The following TNRC6A variants were observed in gnomAD, a reference collection of about 807,000 sequenced individuals.
TNRC6A encodes the protein trinucleotide repeat containing adaptor 6A.
In TNRC6A, 44 loss-of-function variants were observed where a neutral mutation model predicts 221.2. That is an observed-to-expected ratio of 0.20 (90% CI 0.16 to 0.26). The LOEUF (loss-of-function observed/expected upper bound fraction) is 0.26. Ranked by LOEUF, TNRC6A falls within the 10% of genes least tolerant of loss-of-function variation. The pLI is 1.00. For missense variants in TNRC6A, 2,199 were observed against 2,404.4 expected (o/e 0.91, Z 1.79); for synonymous variants, 847 against 838.5 (o/e 1.01, Z -0.18).
chr16:24,805,054 C>T lies in TNRC6A; in HGVS notation c.4025C>T (p.Ala1342Val). ...ATGTTTGGTGTTGGAAACACAGCAG[C>T]ACAACCCCGGGGCATGCAGCAGCCT... ...PSMFGVGNTA[A>V]QPRGMQQPPA... The change falls in exon 14 of 25, where the codon GCA (alanine) becomes GTA (valine). Residue 1342 changes from alanine (A) to valine (V), a missense_variant. By Grantham distance (64) the Ala-to-Val change is moderately conservative. Around this residue, in one of 8 missense-constraint regions of TNRC6A, gnomAD observed 449 missense variants for 579.7 expected, o/e 0.77. Transcript: ENST00000395799. The T allele has an allele frequency of 6.2e-7, 1 of 1,614,186 alleles. No individual in the cohort carries two copies. The highest frequency in any genetic ancestry group is 1.3e-5 in the African/African-American group (1 of 75,044).
chr16:24,806,899 C>G (rs1485779067), intron 17 of TNRC6A, 115 bp downstream of exon 17: 1 of 999,270 alleles, frequency 1.0e-6, no homozygotes, highest in Non-Finnish European at 1.5e-6. Context: ...GATCTCTTAG[C>G]TGTTCCCTCT....
chr16:24,790,324 C>A lies in TNRC6A; in HGVS notation c.1682C>A (p.Thr561Asn). The part of the protein sequence containing the change: ...MQPGVNGPMG[T>N]NFQVNTNKGG... Reference sequence around the variant, plus strand: ...CCTGGCGTAAATGGTCCTATGGGCACTAACTTTCAAGTTAACACAAACAAA... The same window carrying A: ...CCTGGCGTAAATGGTCCTATGGGCAATAACTTTCAAGTTAACACAAACAAA... The change falls in exon 6 of 25, where the codon ACT (threonine) becomes AAT (asparagine). Residue 561 changes from threonine (T) to asparagine (N), a missense_variant. Physicochemically the swap from Thr to Asn is moderately conservative, Grantham distance 65. Coordinates refer to ENST00000395799, the MANE Select transcript of TNRC6A (RefSeq NM_014494.4). 1 of 1,614,198 alleles carries A rather than the reference C, an allele frequency of 6.2e-7. No individual in the cohort carries two copies. Among genetic ancestry groups the A allele is most frequent in the East Asian group, 2.2e-5 (1 of 44,880 alleles).
At chr16:24,818,516 T>C in intron 20 of TNRC6A, 77 bp from the exon 21 acceptor site, 1 of 1,142,848 alleles carries the variant, frequency 8.8e-7, no homozygotes, top group Admixed American at 1.9e-5. Flanking sequence ...TAGCTTTGAT[T>C]TCTCTGGAAG....
chr16:24,806,066 G>C, intron 15 of TNRC6A, 140 bp from the exon 16 acceptor site: 1 of 878,794 alleles, frequency 1.1e-6, no homozygotes, highest in South Asian at 1.8e-5. Flanking sequence ...CCAAGGAAGA[G>C]ATGGTACTAG....
chr16:24,624,533 C>A (rs563284450), intron 1 of TNRC6A, among the ~76,000 whole-genome samples: 14 of 152,254 alleles, frequency 9.2e-5, no homozygotes, highest in Non-Finnish European at 1.3e-4. Context: ...GGCTGGAATG[C>A]ACTGGTGCAA....
intron 1 of TNRC6A, among the ~76,000 whole-genome samples, chr16:24,611,434 C>T (rs1184442291): frequency 6.6e-6 from 1 of 152,140 alleles, no homozygotes; most frequent in Non-Finnish European, 1.5e-5. Context: ...CTTGGCTCCA[C>T]ACCCCAGCTC....
intron 4 of TNRC6A, among the ~76,000 whole-genome samples, chr16:24,772,061 T>C (rs905159679): frequency 3.3e-5 from 5 of 152,372 alleles, no homozygotes; most frequent in Admixed American, 6.5e-5. Context: ...TACTCTCTCA[T>C]CTTTACAGAA....
At chr16:24,676,937 C>A (rs2055431211) in intron 2 of TNRC6A, among the ~76,000 whole-genome samples, 1 of 151,942 alleles carries the variant, frequency 6.6e-6, no homozygotes, top group Non-Finnish European at 1.5e-5. Context: ...TTCAAGGTTC[C>A]TCTAGCCTTC....
At chr16:24,808,521 C>T (rs1470206533) in intron 17 of TNRC6A, among the ~76,000 whole-genome samples, 6 of 152,270 alleles carry the variant, frequency 3.9e-5, no homozygotes, top group Admixed American at 6.5e-5. Context: ...CCTGAGATAC[C>T]GGCTGAACCT....
At chr16:24,687,660 A>C (rs577962605) in intron 2 of TNRC6A, among the ~76,000 whole-genome samples, 16 of 152,058 alleles carry the variant, frequency 1.1e-4, no homozygotes, top group Middle Eastern at 3.4e-3. Flanking sequence ...TAGCTGGGTG[A>C]GGTGATGTGC....
chr16:24,646,074 A>G (rs1200024938), intron 2 of TNRC6A, among the ~76,000 whole-genome samples: 2 of 152,052 alleles, frequency 1.3e-5, no homozygotes, highest in African/African-American at 4.8e-5. Context: ...AATCATTACT[A>G]TTGATTTGTA....
chr16:24,769,182 T>G (rs2057538146), intron 4 of TNRC6A, among the ~76,000 whole-genome samples: 1 of 152,148 alleles, frequency 6.6e-6, no homozygotes, highest in South Asian at 2.1e-4. Flanking sequence ...TTAAAACAGT[T>G]TTAGACTTAC....
intron 2 of TNRC6A, among the ~76,000 whole-genome samples, chr16:24,703,138 A>G (rs1270526731): frequency 6.6e-6 from 1 of 152,182 alleles, no homozygotes; most frequent in Admixed American, 6.6e-5. Flanking sequence ...ACCACAATCA[A>G]TTTTAGAATA....
At chr16:24,786,223 T>C (rs1400794765) in intron 5 of TNRC6A, among the ~76,000 whole-genome samples, 1 of 152,186 alleles carries the variant, frequency 6.6e-6, no homozygotes, top group African/African-American at 2.4e-5. Context: ...CATGCATTTA[T>C]CAATGATAAT....
At chr16:24,782,366 G>T (rs2057869263) in intron 5 of TNRC6A, among the ~76,000 whole-genome samples, 1 of 152,186 alleles carries the variant, frequency 6.6e-6, no homozygotes, top group East Asian at 1.9e-4. Flanking sequence ...AGAGATCTGG[G>T]CCTATTTTAG....
rs751866610 is a variant in TNRC6A, at chr16:24,804,266, C to A, written c.3784C>A (p.Arg1262=). The A allele has an allele frequency of 6.2e-7, 1 of 1,613,616 alleles. No individual in the cohort carries two copies. Among genetic ancestry groups the A allele is most frequent in the Non-Finnish European group, 8.5e-7 (1 of 1,179,930 alleles). ...NRTVGKGPGS[R]PQISKESSME... is the part of the protein sequence containing the mutation. ...AACGGTCGGGAAAGGCCCTGGTTCT[C>A]GGCCTCAGATTTCCAAAGAGTCTTC... Residue 1262 remains arginine (R), a synonymous_variant, in exon 12 of 25, where the codon CGG becomes AGG. Transcript: ENST00000395799.
chr16:24,663,173 A>T (rs564904527), intron 2 of TNRC6A: 12 of 153,914 alleles, frequency 7.8e-5, no homozygotes, highest in African/African-American at 2.6e-4. Flanking sequence ...CTCAGGTATG[A>T]CGATTTGCTG....
At chr16:24,686,858 G>C (rs891582915) in intron 2 of TNRC6A, among the ~76,000 whole-genome samples, 1 of 152,140 alleles carries the variant, frequency 6.6e-6, no homozygotes, top group African/African-American at 2.4e-5. Flanking sequence ...CTCACCCTGA[G>C]CCTCAGTATT....
In TNRC6A at chr16:24,794,652, G is replaced by C; in HGVS notation, c.3461G>C (p.Ser1154Thr). Residue 1154 changes from serine (S) to threonine (T), a missense_variant, in exon 8 of 25, where the codon AGT becomes ACT. This residue lies in a region of TNRC6A where 1,405 missense variants were observed against 1,400.2 expected (regional missense o/e 1.00). Transcript: ENST00000395799. ...GATGTGGAGATTGGAATGTGGAATAGTAATTCATCTCAAGAGCTTAACTCA... is the reference window on the plus strand; with the variant it reads ...GATGTGGAGATTGGAATGTGGAATACTAATTCATCTCAAGAGCTTAACTCA... ...EEDVEIGMWN[S>T]NSSQELNSSL... is the part of the protein sequence containing the mutation. The C allele has an allele frequency of 1.2e-6, 2 of 1,613,998 alleles. No individual in the cohort carries two copies. Among genetic ancestry groups the C allele is most frequent in the Non-Finnish European group, 1.7e-6 (2 of 1,179,922 alleles).
Sources: allele counts gnomAD v4.1 joint callset (sites outside exome capture counted in the v4.1 genomes callset), GRCh38; gene constraint gnomAD v4.1.1; regional missense constraint gnomAD v4.1.1; transcripts MANE v1.5; gene names NCBI Gene and HGNC (gene_info 2026-07-23, HGNC 2026-07-21).